The following CYP39A1 variants were observed in gnomAD, a reference collection of about 807,000 sequenced individuals.
CYP39A1 encodes 24-hydroxycholesterol 7-alpha-hydroxylase.
CYP39A1 carries 49 observed loss-of-function variants against 58.1 expected under a neutral mutation model. That is an observed-to-expected ratio of 0.84 (90% CI 0.67 to 1.07). CYP39A1 has a LOEUF of 1.07. Among genes scored for constraint, CYP39A1 ranks in the 50% least tolerant of loss-of-function variants. The pLI is 0.00. For synonymous variants in CYP39A1, 209 were observed against 187.6 expected (o/e 1.11, Z -0.93); for missense variants, 531 against 539.4 (o/e 0.98, Z 0.16).
At chr6:46,592,482 A>G (rs1486529747) in intron 8 of CYP39A1, among the ~76,000 whole-genome samples, 1 of 152,206 alleles carries the variant, frequency 6.6e-6, no homozygotes, top group African/African-American at 2.4e-5. Flanking sequence ...GGAAATAATT[A>G]GTAATGTATA....
intron 7 of CYP39A1, among the ~76,000 whole-genome samples, chr6:46,601,274 C>T (rs1319290463): frequency 6.6e-6 from 1 of 152,212 alleles, no homozygotes; most frequent in African/African-American, 2.4e-5. Context: ...CCACTCTTGT[C>T]CAAGCCGTGA....
chr6:46,649,055 T>G (rs1762509721), intron 1 of CYP39A1, among the ~76,000 whole-genome samples: 1 of 152,224 alleles, frequency 6.6e-6, no homozygotes, highest in Non-Finnish European at 1.5e-5. Flanking sequence ...GTTTGCAATA[T>G]GGGTTTTTCT....
intron 10 of CYP39A1, among the ~76,000 whole-genome samples, chr6:46,562,052 T>C (rs1771007543): frequency 6.6e-6 from 1 of 152,166 alleles, no homozygotes; most frequent in African/African-American, 2.4e-5. Context: ...TGAGACAGTC[T>C]CACTCTGTTG....
chr6:46,592,938 A>G (rs930920718), intron 8 of CYP39A1, among the ~76,000 whole-genome samples: 2 of 152,186 alleles, frequency 1.3e-5, no homozygotes, highest in East Asian at 3.9e-4. Flanking sequence ...CATGGGCAAC[A>G]GAGATGCAAA....
At chr6:46,621,835 CAA>C (rs924773838) in intron 7 of CYP39A1, among the ~76,000 whole-genome samples, 5 of 151,908 alleles carry the variant, frequency 3.3e-5, no homozygotes, top group Non-Finnish European at 7.4e-5. Context: ...CAAAACCAGA[CAA>C]AGTTATTTTA....
intron 7 of CYP39A1, among the ~76,000 whole-genome samples, chr6:46,609,938 A>G (rs1198376681): frequency 1.3e-5 from 2 of 152,244 alleles, no homozygotes; most frequent in Admixed American, 1.3e-4. Context: ...GTCAAATTAT[A>G]GAAAATTCAA....
intron 6 of CYP39A1, among the ~76,000 whole-genome samples, chr6:46,628,646 T>C (rs1189512437): frequency 1.3e-5 from 2 of 152,064 alleles, no homozygotes; most frequent in East Asian, 1.9e-4. Context: ...GAGTACAAAG[T>C]AGGAGAGAGG....
At chr6:46,587,558 G>C (rs1772545900) in intron 9 of CYP39A1, among the ~76,000 whole-genome samples, 1 of 152,094 alleles carries the variant, frequency 6.6e-6, no homozygotes, top group Admixed American at 6.6e-5. Context: ...AATGCATCTG[G>C]ATGCCATTTT....
rs551760672 is a variant in CYP39A1 at position 46,555,626 on chromosome 6, A to G, written c.1251-1772T>C. ...TATATCTTACTATATTACAGCTAGA[A>G]TTTGCATGTCTGTCTTCCCTTATAG... On this transcript the variant is annotated intron_variant, in intron 10 of 11. Transcript: ENST00000275016. Among the ~76,000 whole-genome samples, 69 of 152,312 alleles carry G rather than the reference A, an allele frequency of 4.5e-4. 1 individual carries two copies. In the South Asian group the frequency reaches 0.014, roughly 31 times the overall value.
chr6:46,567,755 C>T (rs377383996), intron 10 of CYP39A1, among the ~76,000 whole-genome samples: 83 of 152,208 alleles, frequency 5.5e-4, no homozygotes, highest in African/African-American at 1.7e-3. Flanking sequence ...ATTCAGGGCA[C>T]ACACACAGAC....
intron 10 of CYP39A1, among the ~76,000 whole-genome samples, chr6:46,562,869 C>T (rs1018438561): frequency 6.6e-6 from 1 of 151,902 alleles, no homozygotes; most frequent in Non-Finnish European, 1.5e-5. Context: ...AAGATAAATA[C>T]TCAGGCTTTT....
chr6:46,568,234 C>T (rs960018834), intron 10 of CYP39A1, among the ~76,000 whole-genome samples: 1 of 152,042 alleles, frequency 6.6e-6, no homozygotes, highest in Non-Finnish European at 1.5e-5. Flanking sequence ...AAGTTCTTTG[C>T]TCATTTCTGA....
chr6:46,606,359 A>G (rs1773843141), intron 7 of CYP39A1, among the ~76,000 whole-genome samples: 1 of 152,182 alleles, frequency 6.6e-6, no homozygotes, highest in African/African-American at 2.4e-5. Flanking sequence ...GAAAAAGAAA[A>G]GGAAATACAC....
In CYP39A1 at chr6:46,652,554, A is replaced by G. The variant is rs761258091; in HGVS notation, c.29T>C (p.Ile10Thr). 5 of 1,609,672 alleles carry G rather than the reference A, an allele frequency of 3.1e-6. No individual in the cohort carries two copies. Among genetic ancestry groups the G allele is most frequent in the Non-Finnish European group, 2.5e-6 (3 of 1,178,412 alleles). The change falls in exon 1 of 12, where the codon ATA becomes ACA. Residue 10 changes from isoleucine (I) to threonine (T), a missense_variant. Ile to Thr is a moderately conservative substitution (Grantham distance 89). Transcript: ENST00000275016. ...GAACAGAGCAAGGCAACCCAGGATTATAATCACTGTTGGGGAAATTAGTTC... is the reference window on the plus strand; with the variant it reads ...GAACAGAGCAAGGCAACCCAGGATTGTAATCACTGTTGGGGAAATTAGTTC... MELISPTVI[I>T]ILGCLALFLL...
At chr6:46,574,914 T>C (rs997416517) in intron 10 of CYP39A1, among the ~76,000 whole-genome samples, 8 of 151,178 alleles carry the variant, frequency 5.3e-5, no homozygotes, top group Non-Finnish European at 1.2e-4. Flanking sequence ...GACTAGACTA[T>C]CAAGGAGACC....
At chr6:46,610,259 T>C (rs1774132056) in intron 7 of CYP39A1, among the ~76,000 whole-genome samples, 1 of 152,228 alleles carries the variant, frequency 6.6e-6, no homozygotes, top group African/African-American at 2.4e-5. Context: ...TTGTGTACTC[T>C]TTTGTTATAG....
At chr6:46,607,202 A>C (rs1170869708) in intron 7 of CYP39A1, among the ~76,000 whole-genome samples, 1 of 152,174 alleles carries the variant, frequency 6.6e-6, no homozygotes, top group Non-Finnish European at 1.5e-5. Flanking sequence ...GAACACACAC[A>C]AAAAATACCT....
intron 1 of CYP39A1, among the ~76,000 whole-genome samples, chr6:46,643,483 C>T (rs909801287): frequency 1.4e-5 from 2 of 147,818 alleles, no homozygotes; most frequent in Non-Finnish European, 3.0e-5. Flanking sequence ...GTGATCCAGA[C>T]ATCTACACTG....
chr6:46,610,505 C>T (rs2150548749), intron 7 of CYP39A1, among the ~76,000 whole-genome samples: 1 of 152,014 alleles, frequency 6.6e-6, no homozygotes, highest in East Asian at 1.9e-4. Context: ...CCACATCCGA[C>T]TAAATTTTAT....
Sources: allele counts gnomAD v4.1 joint callset (sites outside exome capture counted in the v4.1 genomes callset), GRCh38; gene constraint gnomAD v4.1.1; transcripts MANE v1.5; gene names NCBI Gene and HGNC (gene_info 2026-07-23, HGNC 2026-07-21).